Variants in MNAT1 observed in about 807,000 individuals in gnomAD.
MNAT1 encodes the protein MNAT1 component of CDK activating kinase, also known as CDK-activating kinase assembly factor MAT1.
Under a neutral mutation model 42.0 loss-of-function variants are expected in MNAT1, and 43 were observed. The ratio of observed to expected loss-of-function variants is 1.02; its 90% CI spans 0.80 to 1.32. The LOEUF is 1.32. Ranked by LOEUF, MNAT1 falls within the 40% of genes most tolerant of loss-of-function variation. MNAT1 has a pLI of 0.00. For synonymous variants in MNAT1, 118 were observed against 120.0 expected (o/e 0.98, Z 0.11); for missense variants, 306 against 350.4 (o/e 0.87, Z 1.01).
At chr14:60,828,730 C>T (rs1049508819) in intron 6 of MNAT1, among the ~76,000 whole-genome samples, 1 of 152,136 alleles carries the variant, frequency 6.6e-6, no homozygotes, top group African/African-American at 2.4e-5. Flanking sequence ...CAGGTGGTAA[C>T]CTGTACTGTT....
At chr14:60,761,057 CT>C (rs1260611047) in intron 1 of MNAT1, among the ~76,000 whole-genome samples, 1 of 152,176 alleles carries the variant, frequency 6.6e-6, no homozygotes, top group African/African-American at 2.4e-5. Flanking sequence ...TTATGAATAA[CT>C]CCTTTGGAAA....
At chr14:60,760,420 A>G (rs2030553582) in intron 1 of MNAT1, among the ~76,000 whole-genome samples, 1 of 152,190 alleles carries the variant, frequency 6.6e-6, no homozygotes, top group Non-Finnish European at 1.5e-5. Flanking sequence ...AGGATTTCAT[A>G]AAGGCTCTAT....
At chr14:60,832,383 G>A (rs2033251162) in intron 6 of MNAT1, among the ~76,000 whole-genome samples, 1 of 152,146 alleles carries the variant, frequency 6.6e-6, no homozygotes, top group South Asian at 2.1e-4. Context: ...TCCAGTTTCA[G>A]TTTTCTGCAT....
intron 6 of MNAT1, among the ~76,000 whole-genome samples, chr14:60,828,574 A>G (rs2033124198): frequency 6.7e-6 from 1 of 150,282 alleles, no homozygotes; most frequent in South Asian, 2.1e-4. Flanking sequence ...TTTCTGTACC[A>G]CACCAACCAT....
intron 7 of MNAT1, among the ~76,000 whole-genome samples, chr14:60,938,509 G>A (rs921346631): frequency 6.6e-6 from 1 of 152,158 alleles, no homozygotes; most frequent in Admixed American, 6.5e-5. Flanking sequence ...CGTTGGTTCT[G>A]TTAATATGCT....
chr14:60,934,939 G>A (rs1449416178), intron 7 of MNAT1, among the ~76,000 whole-genome samples: 2 of 152,166 alleles, frequency 1.3e-5, no homozygotes, highest in African/African-American at 4.8e-5. Flanking sequence ...AAATATAGAG[G>A]TGCTTTCCCT....
intron 1 of MNAT1, among the ~76,000 whole-genome samples, chr14:60,772,916 C>CATTT (rs201818233): frequency 0.3 from 42,723 of 141,720 alleles, 6,766 homozygotes; most frequent in Middle Eastern, 0.38. Context: ...TTTTTTAAAA[C>CATTT]ATTTATTTAT....
intron 7 of MNAT1, among the ~76,000 whole-genome samples, chr14:60,967,311 G>A (rs2036699501): frequency 1.3e-5 from 2 of 152,184 alleles, no homozygotes; most frequent in South Asian, 4.1e-4. Flanking sequence ...AAGGTTCCAA[G>A]TTATTAAAAT....
chr14:60,814,911 C>A (rs576308915), intron 5 of MNAT1, among the ~76,000 whole-genome samples: 41 of 152,044 alleles, frequency 2.7e-4, no homozygotes, highest in African/African-American at 8.4e-4. Context: ...ATTTTTGTAG[C>A]TGTTTGGTGA....
At chr14:60,912,456 G>C (rs530526520) in intron 7 of MNAT1, among the ~76,000 whole-genome samples, 32 of 152,308 alleles carry the variant, frequency 2.1e-4, no homozygotes, top group African/African-American at 7.0e-4. Context: ...GCAGTGGCTG[G>C]CACCGGTTGT....
chr14:60,964,905 ATAAT>A (rs2036655013), intron 7 of MNAT1, among the ~76,000 whole-genome samples: 1 of 152,238 alleles, frequency 6.6e-6, no homozygotes, highest in African/African-American at 2.4e-5. Context: ...ACATGCTACA[ATAAT>A]TAAAGGTTTT....
At chr14:60,942,019 A>AAAAAAAAAAAAAAAAG in intron 7 of MNAT1, among the ~76,000 whole-genome samples, 1 of 149,960 alleles carries the variant, frequency 6.7e-6, no homozygotes, top group Non-Finnish European at 1.5e-5. Flanking sequence ...AAAAAAAAAA[A>AAAAAAAAAAAAAAAAG]AAAAAAAAAA....
chr14:60,864,677 T>G (rs1487668470), intron 6 of MNAT1, among the ~76,000 whole-genome samples: 1 of 152,064 alleles, frequency 6.6e-6, no homozygotes, highest in African/African-American at 2.4e-5. Context: ...TTATGTGAAA[T>G]TTCAGGTGAG....
chr14:60,849,259 A>G (rs1271973765), intron 6 of MNAT1, among the ~76,000 whole-genome samples: 2 of 152,100 alleles, frequency 1.3e-5, no homozygotes. Context: ...CTTTGCTGTA[A>G]TTTTTTCATT....
chr14:60,941,693 C>A (rs1349492737), intron 7 of MNAT1, among the ~76,000 whole-genome samples: 1 of 150,676 alleles, frequency 6.6e-6, no homozygotes, highest in Non-Finnish European at 1.5e-5. Flanking sequence ...TAGAGTTAGA[C>A]CCTGTTTCTT....
chr14:60,917,735 G>T lies in MNAT1; in HGVS notation c.809+37900G>T, dbSNP rs149173293. Among the ~76,000 whole-genome samples, 565 of 151,220 alleles carry T rather than the reference G, an allele frequency of 3.7e-3. 2 individuals are homozygous for T. Among genetic ancestry groups the T allele is most frequent in the Admixed American group, 7.6e-3 (115 of 15,158 alleles). On this transcript the variant is annotated intron_variant, in intron 7 of 7. Transcript: ENST00000261245. ...CCTCCCGGGTTCAAGTGATTCTTCT[G>T]CCTCAGCCTTCCAAGTAGCTGGGAT...
chr14:60,946,812 C>G (rs2036285523), intron 7 of MNAT1, among the ~76,000 whole-genome samples: 1 of 152,200 alleles, frequency 6.6e-6, no homozygotes, highest in Non-Finnish European at 1.5e-5. Context: ...TGGTAATAGT[C>G]TATTTGTCTA....
At chr14:60,959,776 C>T (rs1306945530) in intron 7 of MNAT1, among the ~76,000 whole-genome samples, 1 of 152,070 alleles carries the variant, frequency 6.6e-6, no homozygotes, top group Non-Finnish European at 1.5e-5. Flanking sequence ...CTGGGTTTTC[C>T]TACTTAGCCA....
intron 3 of MNAT1, among the ~76,000 whole-genome samples, chr14:60,806,848 T>C (rs2032387682): frequency 6.6e-6 from 1 of 152,202 alleles, no homozygotes; most frequent in African/African-American, 2.4e-5. Flanking sequence ...TTGGTAAAGA[T>C]AGTGGAATCA....
Sources: gnomAD v4.1 joint callset for allele counts (sites outside exome capture counted in the v4.1 genomes callset) on GRCh38, gnomAD v4.1.1 for gene constraint, MANE v1.5 for transcripts, NCBI Gene and HGNC (gene_info 2026-07-23, HGNC 2026-07-21) for gene names.